Variants in NMU observed in about 807,000 individuals in gnomAD.
NMU encodes the protein neuromedin U.
Under a neutral mutation model 35.4 loss-of-function variants are expected in NMU, and 29 were observed. That is an observed-to-expected ratio of 0.82 (90% CI 0.61 to 1.12). NMU has a LOEUF of 1.12. NMU is among the 50% of genes most tolerant of loss of function. NMU has a pLI of 0.00. For missense variants in NMU, 199 were observed against 206.2 expected (o/e 0.97, Z 0.21); for synonymous variants, 78 against 81.3 (o/e 0.96, Z 0.22).
chr4:55,600,779 A>T (rs1645205537), intron 7 of NMU, among the ~76,000 whole-genome samples: 1 of 152,160 alleles, frequency 6.6e-6, no homozygotes, highest in African/African-American at 2.4e-5. Flanking sequence ...ATATTTAAAA[A>T]TAATTTCCTT....
chr4:55,599,971 T>G (rs903953536), intron 8 of NMU, among the ~76,000 whole-genome samples: 4 of 152,168 alleles, frequency 2.6e-5, no homozygotes, highest in African/African-American at 9.6e-5. Context: ...TTGAATGAAT[T>G]AATTAAAACT....
chr4:55,610,038 A>G (rs1013167218), intron 3 of NMU, among the ~76,000 whole-genome samples: 2 of 152,080 alleles, frequency 1.3e-5, no homozygotes, highest in African/African-American at 4.8e-5. Context: ...TGGTTACCTA[A>G]CCTCTCTTAA....
In NMU at chr4:55,630,392, A is replaced by G; in HGVS notation, c.171+10T>C. ...AGTTTCTACAAATTTGTGTGATGAT[A>G]GTTCCTTACCTCATTCCACAACTGT... On this transcript the variant is annotated intron_variant, in intron 2 of 9. Transcript: ENST00000264218. 3 of 1,598,854 alleles carry G rather than the reference A, an allele frequency of 1.9e-6. No individual in the cohort carries two copies. Among genetic ancestry groups the G allele is most frequent in the Non-Finnish European group, 2.6e-6 (3 of 1,166,428 alleles).
At chr4:55,615,098 C>T (rs1055665640) in intron 3 of NMU, among the ~76,000 whole-genome samples, 5 of 152,184 alleles carry the variant, frequency 3.3e-5, no homozygotes, top group Admixed American at 6.5e-5. Flanking sequence ...ATGCCGCAGG[C>T]GCATAGCTGA....
intron 7 of NMU, among the ~76,000 whole-genome samples, chr4:55,603,926 A>AT (rs1392634941): frequency 0.026 from 1,106 of 43,358 alleles, 128 homozygotes; most frequent in African/African-American, 0.082. Flanking sequence ...AAAAAAAAAA[A>AT]ATATATATAT....
chr4:55,614,437 T>C (rs1734042643), intron 3 of NMU, among the ~76,000 whole-genome samples: 1 of 152,204 alleles, frequency 6.6e-6, no homozygotes, highest in South Asian at 2.1e-4. Context: ...ATTAACTAAG[T>C]AATTAAAGAG....
Position 55,618,639 on chromosome 4 carries a change from TTC to T in NMU, c.172-2256_172-2255del, listed in dbSNP as rs199856537. 3.3e-3 allele frequency among the ~76,000 whole-genome samples: 502 copies of T among 151,920 alleles called. 12 individuals carry two copies. Among genetic ancestry groups the T allele is most frequent in the Admixed American group, 0.023 (345 of 15,256 alleles). On this transcript the variant is annotated intron_variant, in intron 2 of 9. Transcript: ENST00000264218. ...TCTCTCCTCTTTCTTCTTTCTTTTCTTCTCTCTTTCTTTCTCATCTTTCTTCT... is the reference window on the plus strand; with the variant it reads ...TCTCTCCTCTTTCTTCTTTCTTTTCTTCTCTTTCTTTCTCATCTTTCTTCT...
intron 7 of NMU, among the ~76,000 whole-genome samples, chr4:55,604,679 A>ATTTTTTTTTTTTTTTTTTTTTTTTTTTTT (rs767568542): frequency 6.3e-5 from 3 of 47,610 alleles, no homozygotes; most frequent in African/African-American, 1.2e-4. Context: ...TGCCTGGCTA[A>ATTTTTTTTTTTTTTTTTTTTTTTTTTTTT]TTTTTTTTTT....
intron 2 of NMU, among the ~76,000 whole-genome samples, chr4:55,618,817 TTCTC>T (rs748595264): frequency 9.3e-5 from 14 of 151,164 alleles, no homozygotes; most frequent in Admixed American, 2.0e-4. Context: ...CTTCTCTTTC[TTCTC>T]TCTTTCTTCT....
intron 3 of NMU, among the ~76,000 whole-genome samples, chr4:55,610,273 G>A (rs968621028): frequency 6.6e-6 from 1 of 151,998 alleles, no homozygotes; most frequent in Non-Finnish European, 1.5e-5. Flanking sequence ...GACCAGCCTG[G>A]CCAACACGGT....
intron 4 of NMU, among the ~76,000 whole-genome samples, chr4:55,607,686 T>C (rs1027509636): frequency 3.3e-5 from 5 of 152,206 alleles, no homozygotes; most frequent in Non-Finnish European, 4.4e-5. Context: ...TAAAGATCTC[T>C]TTACTGCAAC....
chr4:55,607,744 T>A (rs1490098749), intron 4 of NMU, among the ~76,000 whole-genome samples: 1 of 152,114 alleles, frequency 6.6e-6, no homozygotes, highest in Non-Finnish European at 1.5e-5. Context: ...TATTCAACAG[T>A]GGTAGAATGG....
rs575048424 is a variant in NMU, at chr4:55,634,270, C to T, written c.112+1811G>A. 7.2e-5 allele frequency among the ~76,000 whole-genome samples: 11 copies of T among 152,166 alleles called. No homozygotes were observed. In the East Asian group the frequency reaches 1.9e-3, roughly 27 times the overall value. On this transcript the variant is annotated intron_variant, in intron 1 of 9. Coordinates refer to ENST00000264218, the MANE Select transcript of NMU (RefSeq NM_006681.4). ...GGCTATTCACCCTCTGCCCTTCCTA[C>T]CACATTTTTAAAGAGATAAAATTAG...
chr4:55,605,774 C>T (rs1396828011), intron 6 of NMU, among the ~76,000 whole-genome samples: 2 of 152,210 alleles, frequency 1.3e-5, no homozygotes, highest in Admixed American at 1.3e-4. Context: ...GAAGATTATA[C>T]TATACACACA....
chr4:55,597,686 A>G (rs1414206682), intron 9 of NMU, among the ~76,000 whole-genome samples: 2 of 152,142 alleles, frequency 1.3e-5, no homozygotes, highest in Non-Finnish European at 2.9e-5. Flanking sequence ...TTTCTAGATA[A>G]CATATTCCAA....
At chr4:55,627,286 C>G (rs2412668) in intron 2 of NMU, among the ~76,000 whole-genome samples, 7,638 of 151,536 alleles carry the variant, frequency 0.05, 241 homozygotes, top group Non-Finnish European at 0.076. Context: ...TATACTATGT[C>G]TCAGTATCTG....
Position 55,636,146 on chromosome 4 carries a change from A to G in NMU, c.47T>C (p.Val16Ala). 1.3e-6 allele frequency: 2 copies of G among 1,518,128 alleles called. No homozygotes were observed. Among genetic ancestry groups the G allele is most frequent in the Non-Finnish European group, 1.8e-6 (2 of 1,139,952 alleles). 94.0% of individuals were successfully genotyped at this position (1,518,128 alleles called of 1,614,324 possible). Residue 16 changes from valine (V) to alanine (A), a missense_variant, in exon 1 of 10, where the codon GTG (valine) becomes GCG (alanine). Val to Ala is a moderately conservative substitution (Grantham distance 64). Coordinates refer to ENST00000264218, the MANE Select transcript of NMU (RefSeq NM_006681.4). The surrounding 1 kb of genome is among the most constrained non-coding windows in gnomAD (Gnocchi z 4.0). ...CAGCAGGAGCGGGGACGCCGCGGCC[A>G]CCTGTCCGGCGGGCGACCTGGGGCG... ...SCRPRSPAGQ[V>A]AAASPLLLLL...
chr4:55,628,051 C>G (rs907822255), intron 2 of NMU, among the ~76,000 whole-genome samples: 1 of 152,206 alleles, frequency 6.6e-6, no homozygotes, highest in Non-Finnish European at 1.5e-5. Context: ...GAAATTGTTC[C>G]TTCAGTGCTT....
At chr4:55,599,430 T>A (rs933199122) in intron 8 of NMU, among the ~76,000 whole-genome samples, 1 of 152,178 alleles carries the variant, frequency 6.6e-6, no homozygotes, top group Non-Finnish European at 1.5e-5. Flanking sequence ...ATGAACTAGA[T>A]GCTATTTGAC....
Sources: gnomAD v4.1 joint callset for allele counts (sites outside exome capture counted in the v4.1 genomes callset) on GRCh38, gnomAD v4.1.1 for gene constraint, Gnocchi (gnomAD v3.1) non-coding constraint, MANE v1.5 for transcripts, NCBI Gene and HGNC (gene_info 2026-07-23, HGNC 2026-07-21) for gene names.